The following SFMBT1 variants were observed in gnomAD, a reference collection of about 807,000 sequenced individuals.
The protein encoded by SFMBT1 is scm-like with four MBT domains protein 1.
A neutral mutation model predicts 108.7 loss-of-function variants in SFMBT1; 32 were observed. The ratio of observed to expected loss-of-function variants is 0.29; its 90% CI spans 0.22 to 0.40. SFMBT1 has a LOEUF of 0.40. Ranked by LOEUF, SFMBT1 falls within the 10% of genes least tolerant of loss-of-function variation. The pLI, the probability that SFMBT1 is intolerant of heterozygous loss-of-function variation, is 1.00. For missense variants in SFMBT1, 816 were observed against 1,059.6 expected (o/e 0.77, Z 3.19); for synonymous variants, 348 against 369.5 (o/e 0.94, Z 0.67).
intron 1 of SFMBT1, among the ~76,000 whole-genome samples, chr3:52,977,684 A>G (rs1704564432): frequency 6.6e-6 from 1 of 152,198 alleles, no homozygotes; most frequent in South Asian, 2.1e-4. Context: ...ATAGATGTAT[A>G]CATATAACCT....
chr3:52,953,026 G>A (rs1429901543), intron 3 of SFMBT1, among the ~76,000 whole-genome samples: 1 of 152,220 alleles, frequency 6.6e-6, no homozygotes, highest in Non-Finnish European at 1.5e-5. Context: ...CCATAACTGT[G>A]AGAAGATAAA....
chr3:53,003,483 G>A (rs1275746147), intron 1 of SFMBT1, among the ~76,000 whole-genome samples: 1 of 150,080 alleles, frequency 6.7e-6, no homozygotes, highest in Admixed American at 6.8e-5. Flanking sequence ...GATAAAACAA[G>A]TGGGCCACGT....
intron 2 of SFMBT1, among the ~76,000 whole-genome samples, chr3:52,961,827 C>A (rs1344698263): frequency 6.6e-6 from 1 of 152,044 alleles, no homozygotes; most frequent in Admixed American, 6.6e-5. Flanking sequence ...GCTGGGCATT[C>A]GTGGCCCTTA....
At chr3:52,920,980 C>T (rs1184172865) in intron 11 of SFMBT1, among the ~76,000 whole-genome samples, 1 of 152,114 alleles carries the variant, frequency 6.6e-6, no homozygotes, top group African/African-American at 2.4e-5. Context: ...CAAATGGAAA[C>T]CAAATGGCAA....
chr3:52,974,562 GTTGT>G (rs1362470873), intron 1 of SFMBT1, among the ~76,000 whole-genome samples: 4 of 152,106 alleles, frequency 2.6e-5, no homozygotes, highest in African/African-American at 9.7e-5. Flanking sequence ...GTTTCATTAA[GTTGT>G]TTGTTATGTC....
chr3:52,912,458 G>A (rs1702238860), intron 16 of SFMBT1, 80 bp downstream of exon 16: 8 of 1,212,770 alleles, frequency 6.6e-6, no homozygotes, highest in Non-Finnish European at 7.3e-6. Flanking sequence ...GATTACAGGT[G>A]TGAGCCACTG....
intron 1 of SFMBT1, among the ~76,000 whole-genome samples, chr3:52,995,564 TTA>T (rs1474587264): frequency 1.3e-5 from 2 of 149,752 alleles, no homozygotes; most frequent in African/African-American, 2.4e-5. Context: ...CTAACTTTGT[TTA>T]TGTTTTGTAG....
At chr3:52,986,631 G>C (rs1170675398) in intron 1 of SFMBT1, among the ~76,000 whole-genome samples, 2 of 151,744 alleles carry the variant, frequency 1.3e-5, no homozygotes, top group African/African-American at 4.8e-5. Flanking sequence ...ACTTAGTCGG[G>C]CAGGCATGGT....
chr3:52,976,657 T>C (rs910451048), intron 1 of SFMBT1, among the ~76,000 whole-genome samples: 1 of 152,048 alleles, frequency 6.6e-6, no homozygotes, highest in African/African-American at 2.4e-5. Context: ...AAAAGAACCA[T>C]AAACAAATTT....
At chr3:53,033,795 C>T (rs890142025) in intron 1 of SFMBT1, among the ~76,000 whole-genome samples, 2 of 150,514 alleles carry the variant, frequency 1.3e-5, no homozygotes, top group African/African-American at 2.4e-5. Context: ...ATCACCCTGG[C>T]GCAGTGGCTC....
chr3:52,983,510 T>C (rs938245524), intron 1 of SFMBT1, among the ~76,000 whole-genome samples: 24 of 152,134 alleles, frequency 1.6e-4, no homozygotes, highest in African/African-American at 5.3e-4. Flanking sequence ...AACTATAATA[T>C]GTATGTTGAA....
intron 14 of SFMBT1, among the ~76,000 whole-genome samples, chr3:52,915,639 C>A (rs1247351688): frequency 6.6e-6 from 1 of 152,182 alleles, no homozygotes; most frequent in African/African-American, 2.4e-5. Context: ...CAAGAGAGGA[C>A]CCTGGACAAA....
At chr3:52,948,899 A>G (rs1462828910) in intron 3 of SFMBT1, among the ~76,000 whole-genome samples, 2 of 8,860 alleles carry the variant, frequency 2.3e-4, no homozygotes, top group Non-Finnish European at 1.2e-3. Flanking sequence ...CCTGGGCTCA[A>G]GCAATTCTCC....
intron 2 of SFMBT1, among the ~76,000 whole-genome samples, chr3:52,958,974 C>T (rs1476433749): frequency 6.6e-6 from 1 of 152,148 alleles, no homozygotes; most frequent in Non-Finnish European, 1.5e-5. Context: ...ATGTCCTTTG[C>T]AGGGACATGG....
chr3:52,919,753 G>A (rs985721321), intron 12 of SFMBT1, among the ~76,000 whole-genome samples: 4 of 152,282 alleles, frequency 2.6e-5, no homozygotes, highest in Admixed American at 6.5e-5. Flanking sequence ...GCTGCCTTAC[G>A]GAGAGGCCCA....
At chr3:53,020,429 G>GA (rs1039362195) in intron 1 of SFMBT1, among the ~76,000 whole-genome samples, 1 of 151,472 alleles carries the variant, frequency 6.6e-6, no homozygotes, top group Non-Finnish European at 1.5e-5. Context: ...TAAAGAAAAA[G>GA]AAAAAAAGGA....
intron 1 of SFMBT1, among the ~76,000 whole-genome samples, chr3:53,003,394 T>C (rs1575432120): frequency 6.7e-6 from 1 of 150,040 alleles, no homozygotes; most frequent in African/African-American, 2.4e-5. Flanking sequence ...GAATTATTTA[T>C]GAAATAATAC....
chr3:53,010,538 G>A (rs1698906734), intron 1 of SFMBT1, among the ~76,000 whole-genome samples: 2 of 152,188 alleles, frequency 1.3e-5, no homozygotes, highest in African/African-American at 4.8e-5. Context: ...TTTTCTTAAT[G>A]TTCTTTACAC....
chr3:52,993,952 T>A (rs1048646189), intron 1 of SFMBT1, among the ~76,000 whole-genome samples: 32 of 150,234 alleles, frequency 2.1e-4, no homozygotes, highest in African/African-American at 7.8e-4. Flanking sequence ...GAAACTGTAA[T>A]TGGCTCTTAT....
Sources: allele counts gnomAD v4.1 joint callset (sites outside exome capture counted in the v4.1 genomes callset), GRCh38; gene constraint gnomAD v4.1.1; transcripts MANE v1.5; gene names NCBI Gene and HGNC (gene_info 2026-07-23, HGNC 2026-07-21).